Variants in HHLA2 observed in about 807,000 individuals in gnomAD.
HHLA2 encodes the protein HHLA2 member of B7 family.
Under a neutral mutation model 45.9 loss-of-function variants are expected in HHLA2, and 48 were observed. That is an observed-to-expected ratio of 1.05 (90% CI 0.83 to 1.33). The LOEUF (loss-of-function observed/expected upper bound fraction) is 1.33. Among genes scored for constraint, HHLA2 ranks in the 40% most tolerant of loss-of-function variants. The pLI, the probability that HHLA2 is intolerant of heterozygous loss-of-function variation, is 0.00. For missense variants in HHLA2, 462 were observed against 494.3 expected (o/e 0.93, Z 0.62); for synonymous variants, 161 against 173.9 (o/e 0.93, Z 0.59).
At chr3:108,343,785 A>G (rs2081616007) in intron 3 of HHLA2, among the ~76,000 whole-genome samples, 1 of 152,238 alleles carries the variant, frequency 6.6e-6, no homozygotes, top group African/African-American at 2.4e-5. Context: ...CAATAGATGT[A>G]TTTAAATGTA....
chr3:108,307,555 A>C (rs2080950664), intron 1 of HHLA2, among the ~76,000 whole-genome samples: 1 of 152,108 alleles, frequency 6.6e-6, no homozygotes. Context: ...AATCACTTGA[A>C]ACAAGAAGAC....
chr3:108,321,374 T>C (rs750220525), intron 2 of HHLA2, among the ~76,000 whole-genome samples: 2 of 152,192 alleles, frequency 1.3e-5, no homozygotes, highest in African/African-American at 2.4e-5. Flanking sequence ...ATACATTTAT[T>C]TTGTTTTTGA....
intron 7 of HHLA2, among the ~76,000 whole-genome samples, chr3:108,360,772 G>A (rs974486517): frequency 6.6e-6 from 1 of 152,164 alleles, no homozygotes; most frequent in African/African-American, 2.4e-5. Context: ...GGTTATGTTT[G>A]GACTACAGTT....
At chr3:108,321,872 A>G (rs574072891) in intron 2 of HHLA2, among the ~76,000 whole-genome samples, 69 of 152,256 alleles carry the variant, frequency 4.5e-4, no homozygotes, top group African/African-American at 1.6e-3. Flanking sequence ...TAACCCTGTT[A>G]ATGACTTCTG....
intron 8 of HHLA2, among the ~76,000 whole-genome samples, chr3:108,370,586 T>A (rs963690027): frequency 1.3e-5 from 2 of 151,700 alleles, no homozygotes; most frequent in African/African-American, 4.9e-5. Context: ...TGAAAAAAAA[T>A]TAGGTGAATG....
At chr3:108,310,076 C>G (rs1340660572) in intron 1 of HHLA2, among the ~76,000 whole-genome samples, 4 of 151,968 alleles carry the variant, frequency 2.6e-5, no homozygotes, top group Non-Finnish European at 5.9e-5. Flanking sequence ...AAAGTTGATG[C>G]CTGTGTCCTT....
chr3:108,374,935 A>G (rs1449349125), intron 8 of HHLA2, among the ~76,000 whole-genome samples: 11 of 145,878 alleles, frequency 7.5e-5, no homozygotes, highest in South Asian at 2.3e-4. Context: ...TTCCTCGGGG[A>G]TCTAGAACTA....
intron 3 of HHLA2, among the ~76,000 whole-genome samples, chr3:108,331,312 CAA>C (rs927045422): frequency 3.6e-4 from 54 of 152,022 alleles, no homozygotes; most frequent in African/African-American, 1.3e-3. Flanking sequence ...TTTTCAAAAT[CAA>C]AAAAAGTTGA....
intron 2 of HHLA2, among the ~76,000 whole-genome samples, chr3:108,314,052 G>A (rs981071098): frequency 6.6e-6 from 1 of 152,106 alleles, no homozygotes; most frequent in African/African-American, 2.4e-5. Flanking sequence ...ATCATTCCTA[G>A]CATTAACTCT....
intron 8 of HHLA2, among the ~76,000 whole-genome samples, chr3:108,370,459 G>A (rs1406714760): frequency 1.3e-5 from 2 of 152,120 alleles, no homozygotes; most frequent in Non-Finnish European, 2.9e-5. Flanking sequence ...CACCAGCAAC[G>A]GAACAAAGCT....
intron 8 of HHLA2, among the ~76,000 whole-genome samples, chr3:108,370,199 A>G (rs888421193): frequency 2.9e-4 from 44 of 152,176 alleles, no homozygotes; most frequent in African/African-American, 9.4e-4. Context: ...CCAGGCAAAC[A>G]GTGTCTGGGT....
chr3:108,363,196 A>T (rs1438883081), intron 8 of HHLA2, among the ~76,000 whole-genome samples: 1 of 152,198 alleles, frequency 6.6e-6, no homozygotes, highest in Non-Finnish European at 1.5e-5. Context: ...TGAGCTAGAG[A>T]GCATCTGGGC....
rs2107462737 is a variant in HHLA2, at chr3:108,354,984, C to T, written c.419-131C>T. On this transcript the variant is annotated intron_variant, in intron 5 of 10. Transcript: ENST00000619531. ...GTGTTTGTTGGTTTGTTTTCCCTTT[C>T]AGTAACTGCCAAGTTTTGCTCATAA... 3 of 871,014 alleles carry T rather than the reference C, an allele frequency of 3.4e-6. No individual in the cohort carries two copies. In the East Asian group the frequency reaches 8.0e-5, roughly 23 times the overall value. The allele number at this position is 871,014 out of a possible 1,614,324, so 54.0% of individuals were successfully genotyped here. A position where few individuals can be genotyped will look rare whatever the true frequency, so the allele number is the denominator to read the frequency against.
At chr3:108,297,439 C>T (rs1158602156) in intron 1 of HHLA2, among the ~76,000 whole-genome samples, 1 of 152,044 alleles carries the variant, frequency 6.6e-6, no homozygotes, top group Non-Finnish European at 1.5e-5. Context: ...TCAAGTAATC[C>T]TTGGTGCATT....
chr3:108,337,334 G>C (rs2081491216), intron 3 of HHLA2, among the ~76,000 whole-genome samples: 1 of 152,110 alleles, frequency 6.6e-6, no homozygotes, highest in Non-Finnish European at 1.5e-5. Flanking sequence ...GCTACTTATA[G>C]TTTGAGAAAC....
At chr3:108,357,779 T>C in intron 6 of HHLA2, 65 bp from the exon 6 acceptor site, 4 of 1,295,748 alleles carry the variant, frequency 3.1e-6, no homozygotes, top group Non-Finnish European at 3.2e-6. Context: ...TTTCTAAGTG[T>C]AACTTAGAGA....
chr3:108,332,532 G>C (rs2081403770), intron 3 of HHLA2, among the ~76,000 whole-genome samples: 2 of 152,104 alleles, frequency 1.3e-5, no homozygotes, highest in South Asian at 4.1e-4. Context: ...TATTATAACA[G>C]AGTCCTAACA....
chr3:108,340,733 T>A (rs183195044), intron 3 of HHLA2, among the ~76,000 whole-genome samples: 1 of 152,304 alleles, frequency 6.6e-6, no homozygotes, highest in East Asian at 1.9e-4. Flanking sequence ...TCATTTTTCC[T>A]ACAAATATTT....
intron 1 of HHLA2, among the ~76,000 whole-genome samples, chr3:108,299,576 G>C (rs1391762213): frequency 2.6e-5 from 4 of 151,884 alleles, no homozygotes; most frequent in Non-Finnish European, 5.9e-5. Flanking sequence ...GATAAGTGCA[G>C]GAATCTATGG....
Sources: allele counts gnomAD v4.1 joint callset (sites outside exome capture counted in the v4.1 genomes callset), GRCh38; gene constraint gnomAD v4.1.1; transcripts MANE v1.5; gene names NCBI Gene and HGNC (gene_info 2026-07-23, HGNC 2026-07-21).